Variants in CCSER1 observed in about 807,000 individuals in gnomAD.
The protein encoded by CCSER1 is serine-rich coiled-coil domain-containing protein 1.
Under a neutral mutation model 82.0 loss-of-function variants are expected in CCSER1, and 41 were observed. That is an observed-to-expected ratio of 0.50 (90% CI 0.39 to 0.65). The LOEUF is 0.65. Among genes scored for constraint, CCSER1 ranks in the 30% least tolerant of loss-of-function variants. CCSER1 has a pLI of 0.00. For missense variants in CCSER1, 1,119 were observed against 1,064.2 expected, an observed-to-expected ratio of 1.05 and a Z score of -0.72; for synonymous variants, 414 against 383.9, an observed-to-expected ratio of 1.08 and a Z score of -0.92.
Position 91,496,637 on chromosome 4 carries a change from TATATA to T in CCSER1, c.2218-101934_2218-101930del, listed in dbSNP as rs1758850504. 3.3e-5 allele frequency among the ~76,000 whole-genome samples: 2 copies of T among 60,942 alleles called. 1 individual carries two copies. Among genetic ancestry groups the T allele is most frequent in the African/African-American group, 9.8e-5 (2 of 20,468 alleles). The allele number at this position is 60,942 out of a possible 152,430, so 40.0% of individuals were successfully genotyped here. ...ATACACGAATATATATTTGAATATA[TATATA>T]TTCAATATATATTGAATATATATAT... On this transcript the variant is annotated intron_variant, in intron 10 of 10. Coordinates refer to ENST00000509176, the MANE Select transcript of CCSER1 (RefSeq NM_001145065.2).
At chr4:91,259,909 T>C (rs2149163583) in intron 10 of CCSER1, among the ~76,000 whole-genome samples, 1 of 152,332 alleles carries the variant, frequency 6.6e-6, no homozygotes, top group African/African-American at 2.4e-5. Context: ...TACATGTGCA[T>C]GTAAGACCTT....
At chr4:90,989,952 G>T (rs1177124754) in intron 9 of CCSER1, among the ~76,000 whole-genome samples, 1 of 151,736 alleles carries the variant, frequency 6.6e-6, no homozygotes, top group Non-Finnish European at 1.5e-5. Flanking sequence ...CTTAGTTATT[G>T]TTTCTTCTGG....
Position 90,394,791 on chromosome 4 carries a change from ATTAG to A in CCSER1, c.1510-5242_1510-5239del, listed in dbSNP as rs1174906909. On this transcript the variant is annotated intron_variant, in intron 3 of 10. Coordinates refer to ENST00000509176, the MANE Select transcript of CCSER1 (RefSeq NM_001145065.2). ...TTATGATTCTATGACATTTCATGTT[ATTAG>A]TTGAAAAATAAAAATTCTGTTTTAT... Among the ~76,000 whole-genome samples, 6 of 152,058 alleles carry A rather than the reference ATTAG, an allele frequency of 3.9e-5. No homozygotes were observed. The South Asian group carries it at 8.3e-4, about 21-fold the overall frequency.
At chr4:90,775,691 CT>C (rs1440412069) in intron 7 of CCSER1, among the ~76,000 whole-genome samples, 4 of 152,106 alleles carry the variant, frequency 2.6e-5, no homozygotes, top group African/African-American at 9.7e-5. Context: ...ACATTTTTCA[CT>C]TATGGAATGA....
intron 3 of CCSER1, among the ~76,000 whole-genome samples, chr4:90,345,027 A>T (rs1742083066): frequency 6.6e-6 from 1 of 152,092 alleles, no homozygotes; most frequent in South Asian, 2.1e-4. Flanking sequence ...ATCTGCTTAG[A>T]AAAAGGGAAA....
intron 10 of CCSER1, among the ~76,000 whole-genome samples, chr4:91,398,108 A>G (rs1466450523): frequency 6.6e-6 from 1 of 151,986 alleles, no homozygotes. Context: ...CTGTAAAATC[A>G]TGATTATAAT....
chr4:90,923,544 T>A, intron 9 of CCSER1, 97 bp downstream of exon 9: 1 of 802,668 alleles, frequency 1.2e-6, no homozygotes, highest in Non-Finnish European at 2.1e-6. Context: ...TGCATTGATT[T>A]AACAGGATTT....
At chr4:90,753,533 G>A (rs1332718427) in intron 7 of CCSER1, among the ~76,000 whole-genome samples, 1 of 152,040 alleles carries the variant, frequency 6.6e-6, no homozygotes, top group Non-Finnish European at 1.5e-5. Context: ...TGAGCTCTGT[G>A]TTGAGAATAT....
At chr4:91,285,134 G>A (rs1283249445) in intron 10 of CCSER1, among the ~76,000 whole-genome samples, 3 of 151,800 alleles carry the variant, frequency 2.0e-5, no homozygotes, top group Admixed American at 6.6e-5. Flanking sequence ...CTTTTCATAG[G>A]TCTCTCTATC....
At chr4:90,382,654 T>A (rs1003144097) in intron 3 of CCSER1, among the ~76,000 whole-genome samples, 1 of 152,122 alleles carries the variant, frequency 6.6e-6, no homozygotes, top group African/African-American at 2.4e-5. Flanking sequence ...TGTAATTGCC[T>A]ATGATGTACT....
intron 1 of CCSER1, among the ~76,000 whole-genome samples, chr4:90,236,830 ATGT>A (rs1745889400): frequency 1.3e-5 from 2 of 151,960 alleles, no homozygotes; most frequent in African/African-American, 2.4e-5. Context: ...AACATGTTAG[ATGT>A]TGTCATACTG....
chr4:91,165,779 C>T (rs1198420879), intron 10 of CCSER1, among the ~76,000 whole-genome samples: 1 of 152,234 alleles, frequency 6.6e-6, no homozygotes, highest in Non-Finnish European at 1.5e-5. Context: ...TTGCTAAGAC[C>T]ATTGGAAGAG....
At chr4:90,746,363 T>A (rs1747473649) in intron 7 of CCSER1, among the ~76,000 whole-genome samples, 1 of 152,206 alleles carries the variant, frequency 6.6e-6, no homozygotes, top group Non-Finnish European at 1.5e-5. Context: ...AAATATTTTA[T>A]CCTATCTTAC....
intron 10 of CCSER1, among the ~76,000 whole-genome samples, chr4:91,559,624 T>A (rs564463904): frequency 2.6e-5 from 4 of 151,468 alleles, no homozygotes; most frequent in Non-Finnish European, 5.9e-5. Context: ...CATAGAAACA[T>A]GAAAATCAAA....
chr4:91,342,489 T>C (rs1747787072), intron 10 of CCSER1, among the ~76,000 whole-genome samples: 1 of 152,188 alleles, frequency 6.6e-6, no homozygotes, highest in Non-Finnish European at 1.5e-5. Flanking sequence ...GTTAAACATG[T>C]TGAAATTTCT....
At position 90,976,068 on chromosome 4, in the gene CCSER1, C is replaced by T. The variant is rs565282346; in HGVS notation, c.2172+52621C>T. Among the ~76,000 whole-genome samples the T allele has an allele frequency of 1.7e-4, 25 of 151,162 alleles. No homozygotes were observed. The South Asian group carries it at 2.1e-3, about 13-fold the overall frequency. On this transcript the variant is annotated intron_variant, in intron 9 of 10. Coordinates refer to ENST00000509176, the MANE Select transcript of CCSER1 (RefSeq NM_001145065.2). ...TTTTAAAAAGTCAGAGGTTTATCTC[C>T]GAAATTGGTTCAGTTTGCTCTAATT...
intron 8 of CCSER1, among the ~76,000 whole-genome samples, chr4:90,845,359 T>TA (rs886923723): frequency 0.26 from 25,388 of 96,314 alleles, 2,971 homozygotes; most frequent in African/African-American, 0.33. Flanking sequence ...AGACGCCATC[T>TA]AAAAAAAAAA....
At chr4:91,546,877 C>T (rs1397965482) in intron 10 of CCSER1, among the ~76,000 whole-genome samples, 1 of 151,428 alleles carries the variant, frequency 6.6e-6, no homozygotes, top group Non-Finnish European at 1.5e-5. Flanking sequence ...AAATGTCCTA[C>T]TAAACAATGT....
At chr4:90,715,440 G>C (rs1211487012) in intron 6 of CCSER1, among the ~76,000 whole-genome samples, 3 of 151,930 alleles carry the variant, frequency 2.0e-5, no homozygotes, top group Non-Finnish European at 4.4e-5. Flanking sequence ...CTTTGATTTA[G>C]CTTTCAGTTA....
Sources: gnomAD v4.1 joint callset for allele counts (sites outside exome capture counted in the v4.1 genomes callset) on GRCh38, gnomAD v4.1.1 for gene constraint, MANE v1.5 for transcripts, NCBI Gene and HGNC (gene_info 2026-07-23, HGNC 2026-07-21) for gene names.